SREK1IP1: variants seen among roughly 807,000 people sequenced by gnomAD.
SREK1IP1 encodes protein SREK1IP1.
In SREK1IP1, 12 loss-of-function variants were observed where a neutral mutation model predicts 22.8. The ratio of observed to expected loss-of-function variants is 0.53; its 90% CI spans 0.34 to 0.85. The LOEUF is 0.85. SREK1IP1 is among the 40% of genes least tolerant of loss of function. SREK1IP1 has a pLI of 0.02. For synonymous variants in SREK1IP1, 53 were observed against 52.7 expected, an observed-to-expected ratio of 1.01 and a Z score of -0.02; for missense variants, 147 against 171.8, an observed-to-expected ratio of 0.86 and a Z score of 0.81.
intron 3 of SREK1IP1, among the ~76,000 whole-genome samples, chr5:64,731,511 G>T (rs1440237072): frequency 1.5e-5 from 2 of 134,520 alleles, no homozygotes; most frequent in Non-Finnish European, 3.0e-5. Flanking sequence ...AACAGAGTGG[G>T]CCCTTGTCTC....
intron 1 of SREK1IP1, among the ~76,000 whole-genome samples, chr5:64,757,975 T>C (rs1561391884): frequency 7.0e-6 from 1 of 142,732 alleles, no homozygotes; most frequent in Non-Finnish European, 1.5e-5. Context: ...GTTCACACCA[T>C]TCTCCTGCCT....
chr5:64,748,001 T>C (rs1344629334), intron 2 of SREK1IP1, among the ~76,000 whole-genome samples: 3 of 152,124 alleles, frequency 2.0e-5, no homozygotes, highest in Admixed American at 6.6e-5. Context: ...CCTATGTACA[T>C]ACCCCAAAGA....
At chr5:64,737,183 A>G (rs1291012131) in intron 3 of SREK1IP1, among the ~76,000 whole-genome samples, 1 of 152,128 alleles carries the variant, frequency 6.6e-6, no homozygotes, top group Non-Finnish European at 1.5e-5. Context: ...AGAGCATGTT[A>G]GGTGACAAAA....
intron 2 of SREK1IP1, among the ~76,000 whole-genome samples, chr5:64,746,197 C>G (rs1415941134): frequency 6.6e-6 from 1 of 152,084 alleles, no homozygotes; most frequent in Admixed American, 6.5e-5. Context: ...CCCCTCACCT[C>G]AGACTATATG....
intron 2 of SREK1IP1, among the ~76,000 whole-genome samples, chr5:64,749,571 AAAC>A (rs1742706455): frequency 6.6e-6 from 1 of 151,932 alleles, no homozygotes; most frequent in African/African-American, 2.4e-5. Context: ...AAAGTAGCTG[AAAC>A]AACAGGTGCA....
At chr5:64,735,973 CT>C (rs892775542) in intron 3 of SREK1IP1, among the ~76,000 whole-genome samples, 2 of 152,058 alleles carry the variant, frequency 1.3e-5, no homozygotes, top group African/African-American at 2.4e-5. Context: ...GACATTTCTT[CT>C]TTTTTTCTAA....
chr5:64,735,396 G>A (rs1172526827), intron 3 of SREK1IP1, among the ~76,000 whole-genome samples: 1 of 151,864 alleles, frequency 6.6e-6, no homozygotes, highest in Non-Finnish European at 1.5e-5. Flanking sequence ...CTTATAAATT[G>A]AGTTGAGAAA....
intron 4 of SREK1IP1, 74 bp from the exon 5 acceptor site, chr5:64,724,647 G>T (rs1238386534): frequency 2.0e-5 from 24 of 1,197,264 alleles, no homozygotes; most frequent in Non-Finnish European, 2.7e-5. Flanking sequence ...GATTTGAACT[G>T]CCTTAAATTC....
chr5:64,726,037 T>A (rs1179171208), intron 4 of SREK1IP1, among the ~76,000 whole-genome samples: 1 of 151,526 alleles, frequency 6.6e-6, no homozygotes, highest in African/African-American at 2.4e-5. Flanking sequence ...CCAGCTAATT[T>A]TTTTTGTATT....
At position 64,722,806 on chromosome 5, in the gene SREK1IP1, C is replaced by T. The variant is rs1019011702; in HGVS notation, c.*1578G>A. 6.6e-6 allele frequency: 1 copy of T among 152,062 alleles called. No homozygotes were observed. The highest frequency in any genetic ancestry group is 1.5e-5 in the Non-Finnish European group (1 of 68,004). The allele number at this position is 152,062 out of a possible 1,614,324, so 9.4% of individuals were successfully genotyped here. A position where few individuals can be genotyped will look rare whatever the true frequency, so the allele number is the denominator to read the frequency against. Reference sequence around the variant, plus strand: ...TGCAGAGGGCTGTGGATACAGCTTCCCTAGAATTTAAGCATGGGTAAGCAT... The same window carrying T: ...TGCAGAGGGCTGTGGATACAGCTTCTCTAGAATTTAAGCATGGGTAAGCAT... On this transcript the variant is annotated 3_prime_UTR_variant, in exon 5 of 5. Transcript: ENST00000513458.
rs1742198350 is a variant in SREK1IP1, at chr5:64,722,970, T to A, written c.*1414A>T. The A allele has an allele frequency of 2.0e-5, 3 of 152,238 alleles. No individual in the cohort carries two copies. In the South Asian group the frequency reaches 6.2e-4, roughly 32 times the overall value. 9.4% of individuals were successfully genotyped at this position (152,238 alleles called of 1,614,324 possible). A position where few individuals can be genotyped will look rare whatever the true frequency, so the allele number is the denominator to read the frequency against. ...CTGATTTCACTATCATGAATTCACC[T>A]GCAGCCGTATCTATAGGTTATCAAT... is the stretch of plus-strand genomic sequence containing the variant. On this transcript the variant is annotated 3_prime_UTR_variant, in exon 5 of 5. Transcript: ENST00000513458.
intron 4 of SREK1IP1, among the ~76,000 whole-genome samples, chr5:64,726,900 A>C (rs573697847): frequency 6.6e-6 from 1 of 152,224 alleles, no homozygotes; most frequent in African/African-American, 2.4e-5. Context: ...TTGAAAGATC[A>C]TATCAAACCA....
At chr5:64,746,800 C>A (rs1224021393) in intron 2 of SREK1IP1, among the ~76,000 whole-genome samples, 1 of 152,140 alleles carries the variant, frequency 6.6e-6, no homozygotes, top group Admixed American at 6.5e-5. Context: ...AGGGTTAGCA[C>A]AAGTTAAGGG....
At chr5:64,739,649 T>C (rs1742520940) in intron 3 of SREK1IP1, among the ~76,000 whole-genome samples, 1 of 152,172 alleles carries the variant, frequency 6.6e-6, no homozygotes, top group Non-Finnish European at 1.5e-5. Flanking sequence ...TAACTCAGTT[T>C]CTTTGCCCTT....
intron 1 of SREK1IP1, among the ~76,000 whole-genome samples, chr5:64,760,176 A>T (rs1742922084): frequency 6.6e-6 from 1 of 152,226 alleles, no homozygotes; most frequent in African/African-American, 2.4e-5. Flanking sequence ...GATATACTGT[A>T]AAAAGAAAAA....
chr5:64,767,292 C>A (rs1743053356), intron 1 of SREK1IP1, among the ~76,000 whole-genome samples: 1 of 152,196 alleles, frequency 6.6e-6, no homozygotes, highest in Admixed American at 6.5e-5. Context: ...GTGCTAAGGT[C>A]TTGTATTTTC....
chr5:64,745,586 C>CAA (rs113120840), intron 2 of SREK1IP1, among the ~76,000 whole-genome samples: 23 of 125,590 alleles, frequency 1.8e-4, no homozygotes, highest in African/African-American at 3.4e-4. Context: ...AAAACTGCCT[C>CAA]AAAAAAAAAA....
Position 64,718,533 on chromosome 5 carries a change from A to T in SREK1IP1, c.*5851T>A, listed in dbSNP as rs139580244. The T allele has an allele frequency of 1.3e-5, 2 of 152,280 alleles. No individual in the cohort carries two copies. The highest frequency in any genetic ancestry group is 4.8e-5 in the African/African-American group (2 of 41,442). The allele number at this position is 152,280 out of a possible 1,614,324, so 9.4% of individuals were successfully genotyped here. The stretch of plus-strand genomic sequence containing the variant: ...ATATACTCAGTAACAAAAAAATCAC[A>T]ATGTATAATCTGTACAATAAATATT... On this transcript the variant is annotated 3_prime_UTR_variant, in exon 5 of 5. Coordinates refer to ENST00000513458, the MANE Select transcript of SREK1IP1 (RefSeq NM_173829.4).
rs1742542963 is a variant in SREK1IP1 at position 64,741,052 on chromosome 5, C to T, written c.205+5G>A. 1.2e-5 allele frequency: 20 copies of T among 1,607,386 alleles called. No individual in the cohort carries two copies. Among genetic ancestry groups the T allele is most frequent in the Non-Finnish European group, 1.6e-5 (19 of 1,177,076 alleles). The stretch of plus-strand genomic sequence containing the variant: ...TTCTAAAGAATGGAAAAAAATATTG[C>T]TTACTTTTTTCCTGTAATGCCTGCA... On this transcript the variant is annotated splice_donor_5th_base_variant and intron_variant, in intron 3 of 4. Coordinates refer to ENST00000513458, the MANE Select transcript of SREK1IP1 (RefSeq NM_173829.4).
Sources: gnomAD v4.1 joint callset for allele counts (sites outside exome capture counted in the v4.1 genomes callset) on GRCh38, gnomAD v4.1.1 for gene constraint, MANE v1.5 for transcripts, NCBI Gene and HGNC (gene_info 2026-07-23, HGNC 2026-07-21) for gene names.